PKIB: variants seen among roughly 807,000 people sequenced by gnomAD.
PKIB encodes cAMP-dependent protein kinase inhibitor beta.
A neutral mutation model predicts 4.5 loss-of-function variants in PKIB; 2 were observed. The ratio of observed to expected loss-of-function variants is 0.44; its 90% confidence interval spans 0.18 to 1.39. The LOEUF is 1.39. PKIB is among the 40% of genes most tolerant of loss of function. PKIB has a pLI of 0.27. For synonymous variants in PKIB, 38 were observed against 36.0 expected (o/e 1.06, Z -0.20); for missense variants, 94 against 92.6 (o/e 1.02, Z -0.06).
chr6:122,660,761 A>T (rs1776954091), intron 2 of PKIB, among the ~76,000 whole-genome samples: 1 of 152,216 alleles, frequency 6.6e-6, no homozygotes, highest in Admixed American at 6.5e-5. Context: ...AAATGTTCCC[A>T]TATGGAAATG....
At chr6:122,512,000 C>T (rs943642786) in intron 2 of PKIB, among the ~76,000 whole-genome samples, 3 of 152,124 alleles carry the variant, frequency 2.0e-5, no homozygotes, top group African/African-American at 4.8e-5. Flanking sequence ...AGGAGGCTTT[C>T]CTCCTCAGAG....
chr6:122,649,834 G>A (rs1776479359), intron 2 of PKIB, among the ~76,000 whole-genome samples: 3 of 152,122 alleles, frequency 2.0e-5, no homozygotes, highest in African/African-American at 7.2e-5. Context: ...AAGCCTCAGA[G>A]TTTGCACTGT....
chr6:122,603,514 T>C (rs1774439009), intron 3 of PKIB, among the ~76,000 whole-genome samples: 1 of 152,204 alleles, frequency 6.6e-6, no homozygotes. Context: ...AGTCTCACTC[T>C]GTTGCTTAGG....
chr6:122,726,242 G>A lies in PKIB; in HGVS notation c.*1047G>A, dbSNP rs1028913209. On this transcript the variant is annotated 3_prime_UTR_variant, in exon 5 of 5. Coordinates refer to ENST00000368452, the MANE Select transcript of PKIB (RefSeq NM_181795.3). ...AATAGAATTCTGAAGTTTTAAAAATGTCAGTAATTAATTTATTTTCATTTT... is the reference window on the plus strand; with the variant it reads ...AATAGAATTCTGAAGTTTTAAAAATATCAGTAATTAATTTATTTTCATTTT... 5 of 152,008 alleles carry A rather than the reference G, an allele frequency of 3.3e-5. No individual in the cohort carries two copies. The highest frequency in any genetic ancestry group is 1.2e-4 in the African/African-American group (5 of 41,406). The allele number at this position is 152,008 out of a possible 1,614,324, so 9.4% of individuals were successfully genotyped here.
intron 2 of PKIB, among the ~76,000 whole-genome samples, chr6:122,534,276 T>C (rs1367490): frequency 0.093 from 14,161 of 151,848 alleles, 813 homozygotes; most frequent in South Asian, 0.15. Flanking sequence ...GACCCATATA[T>C]AGCATGATAA....
chr6:122,702,618 C>G (rs1210621561), intron 3 of PKIB, among the ~76,000 whole-genome samples: 1 of 151,922 alleles, frequency 6.6e-6, no homozygotes, highest in Non-Finnish European at 1.5e-5. Context: ...CTGCACCCAG[C>G]CTTAAGGGAA....
At position 122,633,387 on chromosome 6, in the gene PKIB, A is replaced by G. The variant is rs946973393; in HGVS notation, c.-76+20A>G. ...ATAGGAGTAAGTATATTTTTGTTCC[A>G]TTGATCTTGGAACATATGGAATAAT... On this transcript the variant is annotated intron_variant, in intron 2 of 4. Coordinates refer to ENST00000368452, the MANE Select transcript of PKIB (RefSeq NM_181795.3). The G allele has an allele frequency of 6.6e-6, 1 of 152,174 alleles. No individual in the cohort carries two copies. The highest frequency in any genetic ancestry group is 1.9e-4 in the East Asian group (1 of 5,184). 9.4% of individuals were successfully genotyped at this position (152,174 alleles called of 1,614,324 possible).
chr6:122,583,819 C>T (rs773510145), intron 2 of PKIB, among the ~76,000 whole-genome samples: 13 of 151,960 alleles, frequency 8.6e-5, no homozygotes, highest in Admixed American at 2.0e-4. Flanking sequence ...CCTTAGAGAC[C>T]TCTGAGACTA....
chr6:122,623,529 G>C (rs1205277481), intron 1 of PKIB, among the ~76,000 whole-genome samples: 1 of 152,042 alleles, frequency 6.6e-6, no homozygotes, highest in African/African-American at 2.4e-5. Context: ...AGTACTTCTG[G>C]CCTTGGGCTG....
intron 2 of PKIB, among the ~76,000 whole-genome samples, chr6:122,567,688 T>C (rs1773234681): frequency 6.6e-6 from 1 of 152,136 alleles, no homozygotes; most frequent in South Asian, 2.1e-4. Flanking sequence ...AGAACTCTTA[T>C]AAAACAACAT....
chr6:122,486,532 C>T (rs1014783463), intron 2 of PKIB, among the ~76,000 whole-genome samples: 1 of 151,106 alleles, frequency 6.6e-6, no homozygotes, highest in Non-Finnish European at 1.5e-5. Context: ...TATCTAACTT[C>T]CATTATGTTC....
At chr6:122,479,071 G>T (rs1304303938) in intron 2 of PKIB, 3 of 152,142 alleles carry the variant, frequency 2.0e-5, no homozygotes, top group African/African-American at 7.2e-5. Flanking sequence ...GCCCTTCGTG[G>T]CTGCACCCAC....
At chr6:122,696,346 T>C (rs1184755624) in intron 3 of PKIB, among the ~76,000 whole-genome samples, 2 of 152,180 alleles carry the variant, frequency 1.3e-5, no homozygotes, top group African/African-American at 4.8e-5. Flanking sequence ...CAGGATGTAA[T>C]GAGACCCCAG....
At chr6:122,596,655 T>A (rs1774187680) in intron 3 of PKIB, among the ~76,000 whole-genome samples, 2 of 152,158 alleles carry the variant, frequency 1.3e-5, no homozygotes, top group African/African-American at 2.4e-5. Flanking sequence ...AGACTAGTTA[T>A]CTAGTTATCT....
At chr6:122,500,485 A>G (rs1285779918) in intron 2 of PKIB, among the ~76,000 whole-genome samples, 1 of 152,224 alleles carries the variant, frequency 6.6e-6, no homozygotes, top group Non-Finnish European at 1.5e-5. Context: ...CATTTCCAAT[A>G]ATGCTAAATA....
At chr6:122,681,021 C>G (rs1777878680) in intron 3 of PKIB, among the ~76,000 whole-genome samples, 3 of 152,106 alleles carry the variant, frequency 2.0e-5, no homozygotes, top group African/African-American at 7.2e-5. Context: ...TCCTTCAGTT[C>G]CTAAAATGTG....
intron 3 of PKIB, among the ~76,000 whole-genome samples, chr6:122,708,170 A>G (rs1442795351): frequency 6.6e-6 from 1 of 152,188 alleles, no homozygotes. Context: ...ATACATTTTC[A>G]AAGCTAGTAA....
At chr6:122,716,782 G>A (rs956652678) in intron 3 of PKIB, among the ~76,000 whole-genome samples, 1 of 152,078 alleles carries the variant, frequency 6.6e-6, no homozygotes, top group South Asian at 2.1e-4. Flanking sequence ...CCCTTTTTAG[G>A]TATCACAAAT....
chr6:122,591,837 A>C (rs532052358), intron 3 of PKIB, among the ~76,000 whole-genome samples: 13 of 150,650 alleles, frequency 8.6e-5, no homozygotes, highest in Admixed American at 3.3e-4. Context: ...TCAGCCACCT[A>C]GTAGCTGGAA....
Sources: gnomAD v4.1 joint callset for allele counts (sites outside exome capture counted in the v4.1 genomes callset) on GRCh38, gnomAD v4.1.1 for gene constraint, MANE v1.5 for transcripts, NCBI Gene and HGNC (gene_info 2026-07-23, HGNC 2026-07-21) for gene names.